LARGE1: variants seen among roughly 807,000 people sequenced by gnomAD.
LARGE1 encodes the protein xylosyl- and glucuronyltransferase LARGE1.
LARGE1 carries 43 observed loss-of-function variants against 87.6 expected under a neutral mutation model. The observed-to-expected ratio is 0.49, with a 90% CI of 0.38 to 0.63. The LOEUF (loss-of-function observed/expected upper bound fraction) is 0.63, where lower values mean the gene tolerates loss of function less well. Ranked by LOEUF, LARGE1 falls within the 30% of genes least tolerant of loss-of-function variation. The probability of loss-of-function intolerance (pLI) is 0.00; values close to 1 mark genes in which losing one functional copy is unlikely to be tolerated. For synonymous variants in LARGE1, 434 were observed against 394.6 expected, an observed-to-expected ratio of 1.10 and a Z score of -1.18; for missense variants, 802 against 1,000.2, an observed-to-expected ratio of 0.80 and a Z score of 2.67.
chr22:33,132,206 C>T, the LARGE1 span, among the ~76,000 whole-genome samples: 1 of 152,036 alleles, frequency 6.6e-6, no homozygotes, highest in South Asian at 2.1e-4. Context: ...TTTTTTGAGA[C>T]AGGATCTCAC....
intron 1 of LARGE1, among the ~76,000 whole-genome samples, chr22:33,777,187 AC>A (rs1219588017): frequency 6.6e-6 from 1 of 152,160 alleles, no homozygotes; most frequent in Non-Finnish European, 1.5e-5. Context: ...CAGTGTGGCA[AC>A]CAACCGCTCC....
chr22:33,274,338 G>A lies in LARGE1; in HGVS notation c.*89C>T. ...AATAAAAACAAACCGAAAAAGCATG[G>A]CTCAATTTTGAATTTGAAGGCCGGG... On this transcript the variant is annotated 3_prime_UTR_variant, in exon 15 of 15. Coordinates refer to ENST00000397394, the MANE Select transcript of LARGE1 (RefSeq NM_133642.5). 3 of 1,347,932 alleles carry A rather than the reference G, an allele frequency of 2.2e-6. No individual in the cohort carries two copies. Among genetic ancestry groups the A allele is most frequent in the Non-Finnish European group, 2.1e-6 (2 of 939,106 alleles). The allele number at this position is 1,347,932 out of a possible 1,614,324, so 83.5% of individuals were successfully genotyped here.
chr22:33,870,362 G>A (rs983910667), intron 1 of LARGE1, among the ~76,000 whole-genome samples: 1 of 152,138 alleles, frequency 6.6e-6, no homozygotes, highest in African/African-American at 2.4e-5. Context: ...GGCAGCCTTC[G>A]GAAACTGATA....
chr22:33,126,086 C>T, the LARGE1 span, among the ~76,000 whole-genome samples: 1 of 152,108 alleles, frequency 6.6e-6, no homozygotes, highest in South Asian at 2.1e-4. Context: ...GATAAGAAAT[C>T]CTAGGGCTGG....
At chr22:33,822,368 C>T (rs5754699) in intron 1 of LARGE1, among the ~76,000 whole-genome samples, 48,993 of 152,014 alleles carry the variant, frequency 0.32, 9,354 homozygotes, top group African/African-American at 0.52. Flanking sequence ...GCTGATCTCC[C>T]ATAGCTTAGA....
intron 9 of LARGE1, among the ~76,000 whole-genome samples, chr22:33,369,134 G>A (rs550532672): frequency 2.0e-5 from 3 of 152,252 alleles, no homozygotes; most frequent in Admixed American, 6.5e-5. Context: ...TTCAAAATTG[G>A]AGCCAATCTT....
chr22:33,224,811 C>G (rs928152748), intron 11 of LARGE1, among the ~76,000 whole-genome samples: 1 of 152,204 alleles, frequency 6.6e-6, no homozygotes, highest in African/African-American at 2.4e-5. Flanking sequence ...GACACAGGCT[C>G]ACAGGATGTC....
chr22:33,543,397 A>G lies in LARGE1; in HGVS notation c.787+21451T>C, dbSNP rs113185910. ...GCTGCAGATACCACCTTTTCCATCT[A>G]AACAGATTAATCCTCTAAACGGCTA... On this transcript the variant is annotated intron_variant, in intron 6 of 14. Coordinates refer to ENST00000397394, the MANE Select transcript of LARGE1 (RefSeq NM_133642.5). Among the ~76,000 whole-genome samples, 389 of 152,276 alleles carry G rather than the reference A, an allele frequency of 2.6e-3. 1 individual carries two copies. Among genetic ancestry groups the G allele is most frequent in the African/African-American group, 8.9e-3 (369 of 41,556 alleles).
chr22:33,768,263 T>C (rs1042051819), intron 1 of LARGE1, among the ~76,000 whole-genome samples: 1 of 152,056 alleles, frequency 6.6e-6, no homozygotes, highest in Non-Finnish European at 1.5e-5. Flanking sequence ...GAGCAGAGAT[T>C]GTGCCGCCTG....
At chr22:33,885,180 G>T (rs1326002396) in intron 1 of LARGE1, among the ~76,000 whole-genome samples, 1 of 151,648 alleles carries the variant, frequency 6.6e-6, no homozygotes, top group East Asian at 2.0e-4. Context: ...GGTTTGCAGG[G>T]CACAAGGGTG....
In LARGE1 at chr22:33,382,224, AT is replaced by A. The variant is rs545901006; in HGVS notation, c.1006-181del. Among the ~76,000 whole-genome samples the A allele has an allele frequency of 1.5e-3, 228 of 152,238 alleles. 1 individual carries two copies. Among genetic ancestry groups the A allele is most frequent in the African/African-American group, 5.1e-3 (211 of 41,542 alleles). ...TGTTATCTCTAGGAACCAAGCAATA[AT>A]GTTTGGATAGAGACGGGGGAATGTC... On this transcript the variant is annotated intron_variant, in intron 8 of 14. Coordinates refer to ENST00000397394, the MANE Select transcript of LARGE1 (RefSeq NM_133642.5).
chr22:33,462,635 G>T (rs2148022116), intron 6 of LARGE1, among the ~76,000 whole-genome samples: 1 of 152,200 alleles, frequency 6.6e-6, no homozygotes, highest in African/African-American at 2.4e-5. Flanking sequence ...ACAAAAATTA[G>T]CCGGGTGTGG....
chr22:33,504,962 C>A (rs2148399699), intron 6 of LARGE1, among the ~76,000 whole-genome samples: 1 of 152,330 alleles, frequency 6.6e-6, no homozygotes, highest in Admixed American at 6.5e-5. Flanking sequence ...AGCAACAGGG[C>A]AAAGGTGACA....
intron 1 of LARGE1, among the ~76,000 whole-genome samples, chr22:33,852,968 G>A (rs376308085): frequency 6.6e-6 from 1 of 151,820 alleles, no homozygotes; most frequent in African/African-American, 2.4e-5. Context: ...GCCAGGCGAG[G>A]GTCACAGTGA....
At chr22:33,728,355 A>G (rs2083335748) in intron 2 of LARGE1, among the ~76,000 whole-genome samples, 1 of 152,020 alleles carries the variant, frequency 6.6e-6, no homozygotes, top group African/African-American at 2.4e-5. Flanking sequence ...CCTGGCCAAC[A>G]TGGTGAAATC....
chr22:33,451,641 C>A (rs2067929362), intron 6 of LARGE1, among the ~76,000 whole-genome samples: 2 of 151,812 alleles, frequency 1.3e-5, no homozygotes, highest in Admixed American at 1.3e-4. Flanking sequence ...TCACTGCAAC[C>A]TCTGCCTCCC....
intron 10 of LARGE1, among the ~76,000 whole-genome samples, chr22:33,331,863 A>G (rs536428320): frequency 5.5e-4 from 84 of 151,962 alleles, no homozygotes; most frequent in African/African-American, 1.8e-3. Context: ...CTTCACTCCT[A>G]CTTATTCAAC....
At chr22:33,759,914 C>T (rs962949194) in intron 2 of LARGE1, among the ~76,000 whole-genome samples, 3 of 152,052 alleles carry the variant, frequency 2.0e-5, no homozygotes, top group Admixed American at 6.6e-5. Flanking sequence ...CAGGGATGCA[C>T]CTAAAGGGTG....
At chr22:33,644,084 C>T (rs982025462) in intron 3 of LARGE1, among the ~76,000 whole-genome samples, 1 of 152,260 alleles carries the variant, frequency 6.6e-6, no homozygotes, top group African/African-American at 2.4e-5. Flanking sequence ...ACCCTAACAC[C>T]AAAACCTGGC....
Sources: gnomAD v4.1 joint callset for allele counts (sites outside exome capture counted in the v4.1 genomes callset) on GRCh38, gnomAD v4.1.1 for gene constraint, MANE v1.5 for transcripts, NCBI Gene and HGNC (gene_info 2026-07-23, HGNC 2026-07-21) for gene names.